C8orf34: variants seen among roughly 807,000 people sequenced by gnomAD.
The protein encoded by C8orf34 is chromosome 8 open reading frame 34.
A neutral mutation model predicts 68.3 loss-of-function variants in C8orf34; 65 were observed. The observed-to-expected ratio is 0.95, with a 90% CI of 0.78 to 1.17. C8orf34 has a LOEUF of 1.17. Among genes scored for constraint, C8orf34 ranks in the 50% most tolerant of loss-of-function variants. The pLI, the probability that C8orf34 is intolerant of heterozygous loss-of-function variation, is 0.00. For synonymous variants in C8orf34, 244 were observed against 241.2 expected, an observed-to-expected ratio of 1.01 and a Z score of -0.11; for missense variants, 664 against 655.4, an observed-to-expected ratio of 1.01 and a Z score of -0.14.
Position 68,566,572 on chromosome 8 carries a change from G to A in C8orf34, c.1105+33423G>A, listed in dbSNP as rs1034985037. 5.9e-5 allele frequency among the ~76,000 whole-genome samples: 9 copies of A among 152,270 alleles called. No individual in the cohort carries two copies. The East Asian group carries it at 9.7e-4, about 16-fold the overall frequency. ...CCTTAAACCTCATGAACCAACCCCCGCTAGCTTTCAGCTTTTCTTTAGCTG... is the reference window on the plus strand; with the variant it reads ...CCTTAAACCTCATGAACCAACCCCCACTAGCTTTCAGCTTTTCTTTAGCTG... On this transcript the variant is annotated intron_variant, in intron 7 of 13. Coordinates refer to ENST00000518698, the MANE Select transcript of C8orf34 (RefSeq NM_052958.4).
intron 6 of C8orf34, among the ~76,000 whole-genome samples, chr8:68,528,839 G>T (rs990426963): frequency 4.6e-5 from 7 of 152,118 alleles, no homozygotes; most frequent in African/African-American, 1.4e-4. Context: ...GAAAATAGCT[G>T]CAGTCATAAA....
At chr8:68,526,353 A>G (rs1393585331) in intron 6 of C8orf34, among the ~76,000 whole-genome samples, 1 of 152,106 alleles carries the variant, frequency 6.6e-6, no homozygotes, top group African/African-American at 2.4e-5. Context: ...CTTTTTATTT[A>G]TTTAGTATTC....
intron 7 of C8orf34, among the ~76,000 whole-genome samples, chr8:68,558,632 AT>A (rs1362507623): frequency 6.6e-6 from 1 of 152,094 alleles, no homozygotes; most frequent in Non-Finnish European, 1.5e-5. Flanking sequence ...AGAGAGAGAG[AT>A]CACAAGCACA....
In C8orf34 at chr8:68,593,079, C is replaced by T. The variant is rs374655634; in HGVS notation, c.1106-47297C>T. ...ATCAAGACATGAAGTCCTCATCTAT[C>T]GTTACATTTTCCTGAGATTCATCAA... On this transcript the variant is annotated intron_variant, in intron 7 of 13. Transcript: ENST00000518698. Among the ~76,000 whole-genome samples, 8 of 152,114 alleles carry T rather than the reference C, an allele frequency of 5.3e-5. No homozygotes were observed. In the East Asian group the frequency reaches 7.8e-4, roughly 15 times the overall value.
intron 6 of C8orf34, among the ~76,000 whole-genome samples, chr8:68,531,470 A>C (rs1303249771): frequency 6.6e-6 from 1 of 152,120 alleles, no homozygotes; most frequent in Admixed American, 6.6e-5. Flanking sequence ...CGTTTGTCTG[A>C]TTGTTCTCTG....
intron 2 of C8orf34, among the ~76,000 whole-genome samples, chr8:68,441,176 T>G (rs62521813): frequency 0.095 from 14,482 of 152,126 alleles, 959 homozygotes; most frequent in Non-Finnish European, 0.14. Flanking sequence ...ACGGTTTAGC[T>G]GAGTCTTCTG....
At chr8:68,441,309 CTA>C (rs1221445770) in intron 2 of C8orf34, among the ~76,000 whole-genome samples, 1 of 152,114 alleles carries the variant, frequency 6.6e-6, no homozygotes, top group African/African-American at 2.4e-5. Context: ...TTTTCTGCAG[CTA>C]TATGGCTGAG....
chr8:68,535,321 A>G, intron 7 of C8orf34: 2 of 981,990 alleles, frequency 2.0e-6, no homozygotes, highest in African/African-American at 3.5e-5. Flanking sequence ...TGTGTGTGCT[A>G]TAGCTTATGT....
At chr8:68,532,045 G>A (rs956483293) in intron 6 of C8orf34, among the ~76,000 whole-genome samples, 3 of 152,068 alleles carry the variant, frequency 2.0e-5, no homozygotes, top group Non-Finnish European at 4.4e-5. Context: ...ATGGTTAGGG[G>A]ACATGCTTTC....
chr8:68,551,310 G>T (rs1816062677), intron 7 of C8orf34, among the ~76,000 whole-genome samples: 1 of 151,742 alleles, frequency 6.6e-6, no homozygotes, highest in Non-Finnish European at 1.5e-5. Context: ...GCTATCAAAG[G>T]TATTCTTCAT....
At chr8:68,354,962 T>C (rs1377270116) in intron 1 of C8orf34, among the ~76,000 whole-genome samples, 5 of 151,936 alleles carry the variant, frequency 3.3e-5, no homozygotes, top group African/African-American at 9.7e-5. Flanking sequence ...CATTGACTTG[T>C]GTATGCTTTC....
At chr8:68,813,006 T>C (rs566606199) in intron 12 of C8orf34, among the ~76,000 whole-genome samples, 1 of 152,362 alleles carries the variant, frequency 6.6e-6, no homozygotes, top group Non-Finnish European at 1.5e-5. Context: ...TGCATCAACA[T>C]AGAATTCACT....
intron 8 of C8orf34, among the ~76,000 whole-genome samples, chr8:68,649,794 G>A (rs16934837): frequency 0.16 from 24,747 of 152,042 alleles, 2,467 homozygotes; most frequent in East Asian, 0.52. Flanking sequence ...GTGCTTCAGA[G>A]CAAGTGATAT....
chr8:68,494,176 T>A (rs1339783609), intron 5 of C8orf34, among the ~76,000 whole-genome samples: 4 of 152,160 alleles, frequency 2.6e-5, no homozygotes, highest in Non-Finnish European at 4.4e-5. Context: ...ATACATACAA[T>A]GGAATAGTGT....
chr8:68,794,961 G>A (rs894325364), intron 12 of C8orf34, among the ~76,000 whole-genome samples: 1 of 152,102 alleles, frequency 6.6e-6, no homozygotes, highest in African/African-American at 2.4e-5. Context: ...CTCTGTATAT[G>A]TATATTCATA....
chr8:68,563,238 T>C (rs565206816), intron 7 of C8orf34, among the ~76,000 whole-genome samples: 5 of 152,336 alleles, frequency 3.3e-5, no homozygotes, highest in African/African-American at 1.2e-4. Flanking sequence ...TATTGATTTC[T>C]TATTCAAAGT....
chr8:68,515,669 C>T (rs991682470), intron 5 of C8orf34, among the ~76,000 whole-genome samples: 2 of 152,172 alleles, frequency 1.3e-5, no homozygotes, highest in African/African-American at 4.8e-5. Flanking sequence ...ATTCATATTA[C>T]AGTTTTAATG....
chr8:68,493,691 T>C (rs1488926053), intron 5 of C8orf34, among the ~76,000 whole-genome samples: 1 of 152,130 alleles, frequency 6.6e-6, no homozygotes, highest in Non-Finnish European at 1.5e-5. Context: ...GCAGGGTCTT[T>C]AGGAGGCGAT....
chr8:68,446,011 C>T (rs959971084), intron 2 of C8orf34, among the ~76,000 whole-genome samples: 3 of 152,268 alleles, frequency 2.0e-5, no homozygotes, highest in Middle Eastern at 3.4e-3. Flanking sequence ...AGGTTGGTCT[C>T]GAACTCCTGA....
Sources: gnomAD v4.1 joint callset for allele counts (sites outside exome capture counted in the v4.1 genomes callset) on GRCh38, gnomAD v4.1.1 for gene constraint, MANE v1.5 for transcripts, NCBI Gene and HGNC (gene_info 2026-07-23, HGNC 2026-07-21) for gene names.